KNL1: variants seen among roughly 807,000 people sequenced by gnomAD.
KNL1 encodes the protein kinetochore scaffold 1.
Under a neutral mutation model 201.3 loss-of-function variants are expected in KNL1, and 66 were observed. The ratio of observed to expected loss-of-function variants is 0.33; its 90% confidence interval spans 0.27 to 0.40. The LOEUF (loss-of-function observed/expected upper bound fraction) is 0.40, where lower values mean the gene tolerates loss of function less well. Ranked by LOEUF, KNL1 falls within the 10% of genes least tolerant of loss-of-function variation. KNL1 has a pLI of 1.00. For synonymous variants in KNL1, 895 were observed against 899.2 expected, an observed-to-expected ratio of 1.00 and a Z score of 0.08; for missense variants, 2,815 against 2,690.5, an observed-to-expected ratio of 1.05 and a Z score of -1.02.
intron 10 of KNL1, among the ~76,000 whole-genome samples, chr15:40,626,328 T>TTTC (rs1892752421): frequency 7.8e-6 from 1 of 127,802 alleles, no homozygotes; most frequent in African/African-American, 3.0e-5. Flanking sequence ...AATTTCTTTC[T>TTTC]TTTTTTTTTT....
intron 8 of KNL1, chr15:40,615,820 A>C (rs1424402065): frequency 6.8e-6 from 1 of 146,582 alleles, no homozygotes; most frequent in Admixed American, 6.9e-5. Flanking sequence ...AGGCTAGTGC[A>C]GTGGCACAAT....
intron 8 of KNL1, 22 bp downstream of exon 8, chr15:40,615,400 T>G: frequency 1.5e-6 from 1 of 654,190 alleles, no homozygotes; most frequent in Non-Finnish European, 2.5e-6. Context: ...TAGAATACTT[T>G]TCTTATAGTA....
chr15:40,623,331 A>G lies in KNL1; in HGVS notation c.3067A>G (p.Asn1023Asp). The change falls in exon 10 of 26, where the codon AAT (asparagine) becomes GAT (aspartate). Residue 1023 changes from asparagine to aspartate, a missense_variant. By Grantham distance (23) the Asn-to-Asp change is conservative. Around this residue, in one of 3 missense-constraint regions of KNL1, gnomAD observed 2,464 missense variants for 2,291.7 expected, o/e 1.08. Transcript: ENST00000399668. ...GCTAACCCCTCTGGAGGAATGGTCT[A>G]ATAATAGGGGCCCTGTAGAGGTAGC... ...SQLTPLEEWSNNRGPVEVADN... is the reference protein window; with the variant it reads ...SQLTPLEEWSDNRGPVEVADN... The G allele has an allele frequency of 1.9e-6, 3 of 1,613,978 alleles. No individual in the cohort carries two copies. The highest frequency in any genetic ancestry group is 2.5e-6 in the Non-Finnish European group (3 of 1,179,894).
chr15:40,650,456 G>A lies in KNL1; in HGVS notation c.6172+78G>A. On this transcript the variant is annotated intron_variant, in intron 18 of 25. Transcript: ENST00000399668. The stretch of plus-strand genomic sequence containing the variant: ...TGAGTTTGTTTATATACTTTGGTGA[G>A]ATTAAGTCAGAATTTTCAATAAAAC... 1.9e-6 allele frequency: 3 copies of A among 1,562,064 alleles called. No individual in the cohort carries two copies. In the Admixed American group the frequency reaches 5.7e-5, roughly 30 times the overall value.
intron 14 of KNL1, among the ~76,000 whole-genome samples, chr15:40,642,318 G>A (rs1893254799): frequency 6.6e-6 from 1 of 151,222 alleles, no homozygotes; most frequent in Non-Finnish European, 1.5e-5. Flanking sequence ...AGAATGGCGC[G>A]AACCCAGGAG....
At chr15:40,645,810 T>G (rs763941297) in intron 16 of KNL1, 38 bp downstream of exon 16, 8 of 1,064,884 alleles carry the variant, frequency 7.5e-6, no homozygotes, top group Non-Finnish European at 1.1e-5. Flanking sequence ...AAGAGAGAGA[T>G]ATTAAAATTA....
chr15:40,623,501 A>C lies in KNL1; in HGVS notation c.3237A>C (p.Ser1079=), dbSNP rs1892621423. The C allele has an allele frequency of 6.2e-7, 1 of 1,612,750 alleles. No homozygotes were observed. Among genetic ancestry groups the C allele is most frequent in the African/African-American group, 1.3e-5 (1 of 74,796 alleles). Residue 1079 remains serine (S), a synonymous_variant, in exon 10 of 26, where the codon TCA becomes TCC. Transcript: ENST00000399668. ...KLKNDKTIVF[S]ENHKNDMDIT... ...AAAATGACAAGACCATTGTATTTTC[A>C]GAGAATCATAAAAATGATATGGATA...
intron 13 of KNL1, among the ~76,000 whole-genome samples, chr15:40,638,672 T>C (rs1158955830): frequency 6.6e-6 from 1 of 151,268 alleles, no homozygotes; most frequent in Non-Finnish European, 1.5e-5. Context: ...TTGTATTTTT[T>C]AGTAGAGATG....
At chr15:40,656,715 C>G (rs1006666038) in intron 22 of KNL1, among the ~76,000 whole-genome samples, 1 of 151,866 alleles carries the variant, frequency 6.6e-6, no homozygotes, top group Non-Finnish European at 1.5e-5. Context: ...GTGAAGCCCC[C>G]TCTCTACTAA....
At position 40,623,315 on chromosome 15, in the gene KNL1, T is replaced by C; in HGVS notation, c.3051T>C (p.Pro1017=). Reference sequence around the variant, plus strand: ...TAGCAAATGACAGCCAGCTAACCCCTCTGGAGGAATGGTCTAATAATAGGG... The same window carrying C: ...TAGCAAATGACAGCCAGCTAACCCCCCTGGAGGAATGGTCTAATAATAGGG... ...RLVANDSQLT[P]LEEWSNNRGP... is the part of the protein sequence containing the mutation. The change falls in exon 10 of 26, where the codon CCT becomes CCC. Residue 1017 remains proline, a synonymous_variant. Coordinates refer to ENST00000399668, the MANE Select transcript of KNL1 (RefSeq NM_144508.5). 1 of 1,613,866 alleles carries C rather than the reference T, an allele frequency of 6.2e-7. No individual in the cohort carries two copies. Among genetic ancestry groups the C allele is most frequent in the Non-Finnish European group, 8.5e-7 (1 of 1,179,868 alleles).
intron 14 of KNL1, among the ~76,000 whole-genome samples, chr15:40,642,008 T>C (rs1019776696): frequency 6.6e-6 from 1 of 152,160 alleles, no homozygotes; most frequent in Non-Finnish European, 1.5e-5. Context: ...TCCAACTAAA[T>C]TTGAACCAAT....
intron 2 of KNL1, 104 bp downstream of exon 2, chr15:40,603,070 G>A (rs979477059): frequency 2.7e-6 from 2 of 730,388 alleles, no homozygotes; most frequent in Non-Finnish European, 4.5e-6. Flanking sequence ...TTTCCATTGT[G>A]TTCCAAGAAA....
chr15:40,607,599 T>C (rs1289692489), intron 4 of KNL1, among the ~76,000 whole-genome samples: 3 of 152,236 alleles, frequency 2.0e-5, no homozygotes, highest in Non-Finnish European at 4.4e-5. Flanking sequence ...TCATCCTTAA[T>C]GTCTTTTAGT....
chr15:40,628,234 A>C, intron 11 of KNL1, 26 bp downstream of exon 11: 1 of 1,561,622 alleles, frequency 6.4e-7, no homozygotes, highest in Non-Finnish European at 8.6e-7. Context: ...AGGCTAAATA[A>C]TAGCAGCCAT....
At position 40,629,266 on chromosome 15, in the gene KNL1, T is replaced by C; in HGVS notation, c.5584-7T>C. ...ATGGTCATGCAAACTTTTTTTTCTT[T>C]TCTCAGAAACTCCAAGATGGGAGAA... On this transcript the variant is annotated splice_polypyrimidine_tract_variant and splice_region_variant and intron_variant, in intron 12 of 25. Coordinates refer to ENST00000399668, the MANE Select transcript of KNL1 (RefSeq NM_144508.5). The C allele has an allele frequency of 6.4e-7, 1 of 1,558,460 alleles. No individual in the cohort carries two copies.
chr15:40,617,764 A>G (rs1049887154), intron 8 of KNL1, among the ~76,000 whole-genome samples: 3 of 152,092 alleles, frequency 2.0e-5, no homozygotes, highest in African/African-American at 7.2e-5. Flanking sequence ...CTTGAGGAGC[A>G]CAGCTACCCC....
At chr15:40,599,260 C>T (rs1891710185) in intron 1 of KNL1, among the ~76,000 whole-genome samples, 2 of 149,362 alleles carry the variant, frequency 1.3e-5, no homozygotes, top group South Asian at 4.3e-4. Context: ...TTGCAGTGAG[C>T]CAAAATTGCG....
At position 40,602,952 on chromosome 15, in the gene KNL1, G is replaced by A. The variant is rs199912732; in HGVS notation, c.21G>A (p.Glu7=). 62 of 1,592,458 alleles carry A rather than the reference G, an allele frequency of 3.9e-5. No homozygotes were observed. Among genetic ancestry groups the A allele is most frequent in the Middle Eastern group, 1.7e-4 (1 of 5,890 alleles). Residue 7 remains glutamate (E), a synonymous_variant, in exon 2 of 26, where the codon GAG becomes GAA. Transcript: ENST00000399668. MDGVSS[E]ANEENDNIER... Reference sequence around the variant, plus strand: ...CAAAAATGGATGGGGTGTCTTCAGAGGCTAATGAAGAAAAGTAAGTTCATT... The same window carrying A: ...CAAAAATGGATGGGGTGTCTTCAGAAGCTAATGAAGAAAAGTAAGTTCATT...
chr15:40,599,545 G>A (rs779987208), intron 1 of KNL1, among the ~76,000 whole-genome samples: 2 of 151,106 alleles, frequency 1.3e-5, no homozygotes, highest in Admixed American at 6.6e-5. Context: ...CACCATACCC[G>A]GCTAAGTTTT....
Sources: gnomAD v4.1 joint callset for allele counts (sites outside exome capture counted in the v4.1 genomes callset) on GRCh38, gnomAD v4.1.1 for gene constraint, gnomAD v4.1.1 regional missense constraint, MANE v1.5 for transcripts, NCBI Gene and HGNC (gene_info 2026-07-23, HGNC 2026-07-21) for gene names.